Variants in DTNBP1 observed in about 807,000 individuals in gnomAD.
DTNBP1 encodes dystrobrevin binding protein 1, also known as dysbindin.
Under a neutral mutation model 42.8 loss-of-function variants are expected in DTNBP1, and 35 were observed. That is an observed-to-expected ratio of 0.82 (90% CI 0.63 to 1.09). The LOEUF is 1.09. Among genes scored for constraint, DTNBP1 ranks in the 50% least tolerant of loss-of-function variants. DTNBP1 has a pLI of 0.00. For missense variants in DTNBP1, 457 were observed against 424.2 expected, an observed-to-expected ratio of 1.08 and a Z score of -0.68; for synonymous variants, 171 against 162.2, an observed-to-expected ratio of 1.05 and a Z score of -0.41.
intron 1 of DTNBP1, among the ~76,000 whole-genome samples, chr6:15,658,674 G>A (rs1997679): frequency 0.34 from 51,693 of 152,042 alleles, 9,459 homozygotes; most frequent in African/African-American, 0.45. Flanking sequence ...GCCTTTGGTC[G>A]TAACAGCTCA....
At chr6:15,574,154 C>G (rs924420971) in intron 7 of DTNBP1, among the ~76,000 whole-genome samples, 2 of 152,184 alleles carry the variant, frequency 1.3e-5, no homozygotes, top group African/African-American at 2.4e-5. Flanking sequence ...CACAAAAACA[C>G]AAAGAGTTAC....
At chr6:15,607,880 A>G (rs1180724164) in intron 6 of DTNBP1, among the ~76,000 whole-genome samples, 2 of 152,332 alleles carry the variant, frequency 1.3e-5, no homozygotes, top group East Asian at 3.9e-4. Flanking sequence ...GAAGACAAGT[A>G]GTCCCTGCCC....
At chr6:15,583,680 C>T (rs1329752845) in intron 7 of DTNBP1, among the ~76,000 whole-genome samples, 1 of 152,094 alleles carries the variant, frequency 6.6e-6, no homozygotes, top group Non-Finnish European at 1.5e-5. Flanking sequence ...ATACCATGTT[C>T]CAGCAAAAAG....
intron 4 of DTNBP1, among the ~76,000 whole-genome samples, chr6:15,631,897 T>C (rs1480744484): frequency 6.6e-6 from 1 of 152,238 alleles, no homozygotes; most frequent in Non-Finnish European, 1.5e-5. Flanking sequence ...TTGTTTATCA[T>C]CACATTTCTT....
chr6:15,614,382 T>C (rs1009709679), intron 6 of DTNBP1, among the ~76,000 whole-genome samples: 2 of 151,680 alleles, frequency 1.3e-5, no homozygotes, highest in African/African-American at 4.8e-5. Flanking sequence ...AACCTATCCA[T>C]CTTTCTCTCC....
chr6:15,565,921 T>C (rs1273885826), intron 7 of DTNBP1, among the ~76,000 whole-genome samples: 1 of 152,200 alleles, frequency 6.6e-6, no homozygotes, highest in Admixed American at 6.5e-5. Context: ...GTGTTCAGCA[T>C]ATTAAACATT....
chr6:15,615,580 A>C (rs569847739), intron 5 of DTNBP1, among the ~76,000 whole-genome samples, 181 bp from the exon 6 acceptor site: 21 of 152,332 alleles, frequency 1.4e-4, no homozygotes, highest in South Asian at 6.2e-4. Flanking sequence ...CATAATTCAA[A>C]TTACTTTTTT....
At chr6:15,581,771 G>A (rs985175637) in intron 7 of DTNBP1, among the ~76,000 whole-genome samples, 2 of 152,122 alleles carry the variant, frequency 1.3e-5, no homozygotes, top group Non-Finnish European at 2.9e-5. Context: ...GAGCCATCGC[G>A]CCCAGGCAGA....
chr6:15,626,581 G>C (rs1759360205), intron 5 of DTNBP1, among the ~76,000 whole-genome samples: 1 of 152,126 alleles, frequency 6.6e-6, no homozygotes, highest in Non-Finnish European at 1.5e-5. Flanking sequence ...TTAGGAAATA[G>C]TAAGCTGCAA....
At chr6:15,616,384 G>C (rs1294533053) in intron 5 of DTNBP1, among the ~76,000 whole-genome samples, 1 of 152,196 alleles carries the variant, frequency 6.6e-6, no homozygotes, top group African/African-American at 2.4e-5. Context: ...GACAGTCCTG[G>C]AGCTCAAGGA....
intron 7 of DTNBP1, among the ~76,000 whole-genome samples, chr6:15,534,199 G>A (rs889379544): frequency 2.3e-4 from 35 of 152,176 alleles, no homozygotes; most frequent in African/African-American, 8.2e-4. Flanking sequence ...AGTGGTTAAT[G>A]GGTACAGATT....
intron 7 of DTNBP1, among the ~76,000 whole-genome samples, chr6:15,555,209 T>A (rs534650644): frequency 2.7e-5 from 4 of 150,500 alleles, no homozygotes; most frequent in Admixed American, 6.7e-5. Context: ...TAAAACACTT[T>A]CCTCTTTGCT....
intron 1 of DTNBP1, among the ~76,000 whole-genome samples, chr6:15,657,373 C>T (rs564130367): frequency 1.3e-5 from 2 of 152,282 alleles, no homozygotes; most frequent in East Asian, 3.9e-4. Context: ...AATTCACATT[C>T]TCAATTTCTG....
intron 6 of DTNBP1, among the ~76,000 whole-genome samples, chr6:15,606,755 T>C (rs1449168035): frequency 3.3e-5 from 5 of 152,206 alleles, no homozygotes; most frequent in Non-Finnish European, 4.4e-5. Context: ...ACTTTTTCTA[T>C]CACATATTAT....
chr6:15,533,465 G>A, intron 7 of DTNBP1, 70 bp from the exon 8 acceptor site: 10 of 1,611,432 alleles, frequency 6.2e-6, no homozygotes, highest in Non-Finnish European at 8.5e-6. Flanking sequence ...ATAAACAGCT[G>A]CTCGCATCCA....
chr6:15,557,126 T>C (rs1353255186), intron 7 of DTNBP1, among the ~76,000 whole-genome samples: 1 of 152,138 alleles, frequency 6.6e-6, no homozygotes, highest in Non-Finnish European at 1.5e-5. Flanking sequence ...TAAAAGTTGC[T>C]AAGAGTTAAT....
intron 7 of DTNBP1, among the ~76,000 whole-genome samples, chr6:15,561,285 C>G (rs770718429): frequency 7.9e-5 from 12 of 152,166 alleles, no homozygotes; most frequent in Non-Finnish European, 1.0e-4. Flanking sequence ...CAACAATTGC[C>G]CAGTTCATGG....
chr6:15,583,557 T>C (rs985889760), intron 7 of DTNBP1, among the ~76,000 whole-genome samples: 3 of 152,208 alleles, frequency 2.0e-5, no homozygotes, highest in Non-Finnish European at 2.9e-5. Context: ...AAGCTCCATA[T>C]GAATTCAACA....
intron 5 of DTNBP1, among the ~76,000 whole-genome samples, chr6:15,626,655 A>G (rs1367790595): frequency 1.3e-5 from 2 of 152,236 alleles, no homozygotes; most frequent in African/African-American, 4.8e-5. Context: ...AACCCAAGAA[A>G]AAAAGAATAC....
Sources: allele counts gnomAD v4.1 joint callset (sites outside exome capture counted in the v4.1 genomes callset), GRCh38; gene constraint gnomAD v4.1.1; transcripts MANE v1.5; gene names NCBI Gene and HGNC (gene_info 2026-07-23, HGNC 2026-07-21).